ADGRL1: variants seen among roughly 807,000 people sequenced by gnomAD.
The protein encoded by ADGRL1 is adhesion G protein-coupled receptor L1, also known as CIRL-1.
ADGRL1 carries 31 observed loss-of-function variants against 148.9 expected under a neutral mutation model. The observed-to-expected ratio is 0.21, with a 90% confidence interval of 0.16 to 0.28. The LOEUF (loss-of-function observed/expected upper bound fraction) is 0.28, where lower values mean the gene tolerates loss of function less well. ADGRL1 is among the 10% of genes least tolerant of loss of function. ADGRL1 has a pLI of 1.00. For synonymous variants in ADGRL1, 937 were observed against 900.3 expected, an observed-to-expected ratio of 1.04 and a Z score of -0.73; for missense variants, 1,521 against 2,058.8, an observed-to-expected ratio of 0.74 and a Z score of 5.05.
In ADGRL1 at chr19:14,163,222, GGCCAC is replaced by G; in HGVS notation, c.574_578del (p.Val192ArgfsTer39). 1 of 1,613,426 alleles carries G rather than the reference GGCCAC, an allele frequency of 6.2e-7. No individual in the cohort carries two copies. Among genetic ancestry groups the G allele is most frequent in the East Asian group, 2.2e-5 (1 of 44,884 alleles). Reference sequence around the variant, plus strand: ...GGCGGTAGGTGGTGGTGTGGCGGGCGGCCACGTAGTCCTCCCACGAGGCATACTCA... The same window carrying G: ...GGCGGTAGGTGGTGGTGTGGCGGGCGGTAGTCCTCCCACGAGGCATACTCA... On this transcript the variant is annotated frameshift_variant, in exon 5 of 23. Coordinates refer to ENST00000361434, the MANE Select transcript of ADGRL1 (RefSeq NM_014921.5). LOFTEE classifies it high-confidence loss of function.
intron 1 of ADGRL1, among the ~76,000 whole-genome samples, 166 bp from the exon 2 acceptor site, chr19:14,183,863 C>G (rs563360025): frequency 3.3e-5 from 5 of 152,184 alleles, no homozygotes; most frequent in African/African-American, 1.2e-4. Context: ...CCACACCCCC[C>G]ACCCTTACAC....
rs758809786 is a variant in ADGRL1 at position 14,159,790 on chromosome 19, G to A, written c.1801-17C>T. 1.4e-5 allele frequency: 22 copies of A among 1,611,830 alleles called. No homozygotes were observed. The highest frequency in any genetic ancestry group is 1.6e-4 in the Middle Eastern group (1 of 6,084). On this transcript the variant is annotated splice_polypyrimidine_tract_variant and intron_variant, in intron 8 of 22. Coordinates refer to ENST00000361434, the MANE Select transcript of ADGRL1 (RefSeq NM_014921.5). This position sits in a 1 kb window ranked among gnomAD's most constrained non-coding sequence, Gnocchi z 6.0. ...CTTGTGCATCTAGAAAGAGATGGAGGTGATGTCAGGCCAGGCCTCTGGGTG... is the reference window on the plus strand; with the variant it reads ...CTTGTGCATCTAGAAAGAGATGGAGATGATGTCAGGCCAGGCCTCTGGGTG...
chr19:14,160,425 T>C lies in ADGRL1; in HGVS notation c.1615-128A>G. On this transcript the variant is annotated intron_variant, in intron 7 of 22. Coordinates refer to ENST00000361434, the MANE Select transcript of ADGRL1 (RefSeq NM_014921.5). The surrounding 1 kb of genome is among the most constrained non-coding windows in gnomAD (Gnocchi z 5.9). ...CACTTCCCCATCGCCATCTGCCCCTTCCCACCCCATCTGTCCCTGCTCCCT... is the reference window on the plus strand; with the variant it reads ...CACTTCCCCATCGCCATCTGCCCCTCCCCACCCCATCTGTCCCTGCTCCCT... The C allele has an allele frequency of 1.0e-6, 1 of 970,766 alleles. No individual in the cohort carries two copies. 60.1% of individuals were successfully genotyped at this position (970,766 alleles called of 1,614,324 possible). A position where few individuals can be genotyped will look rare whatever the true frequency, so the allele number is the denominator to read the frequency against.
At position 14,152,844 on chromosome 19, in the gene ADGRL1, A is replaced by G; in HGVS notation, c.3363T>C (p.Thr1121=). 1 of 1,614,134 alleles carries G rather than the reference A, an allele frequency of 6.2e-7. No homozygotes were observed. ...YCCIRSPPGG[T]HGSLKTSAMR... ...TGGCTGAGGTCTTGAGGGATCCGTG[A>G]GTGCCCCCGGGTGGGGAGCGGATGC... Residue 1121 remains threonine, a synonymous_variant, in exon 19 of 23, where the codon ACT becomes ACC. Coordinates refer to ENST00000361434, the MANE Select transcript of ADGRL1 (RefSeq NM_014921.5). This position sits in a 1 kb window ranked among gnomAD's most constrained non-coding sequence, Gnocchi z 6.1.
At chr19:14,181,457 G>A (rs1428131562) in intron 2 of ADGRL1, among the ~76,000 whole-genome samples, 1 of 152,174 alleles carries the variant, frequency 6.6e-6, no homozygotes, top group African/African-American at 2.4e-5. Context: ...GGTGGTTCAC[G>A]CCTGTAATCC....
At chr19:14,175,424 C>T (rs1182747555) in intron 3 of ADGRL1, among the ~76,000 whole-genome samples, 1 of 150,838 alleles carries the variant, frequency 6.6e-6, no homozygotes. Context: ...TCACCACTCA[C>T]AGATATGAAA....
At chr19:14,173,720 G>A (rs1970629867) in intron 3 of ADGRL1, among the ~76,000 whole-genome samples, 1 of 152,098 alleles carries the variant, frequency 6.6e-6, no homozygotes, top group Non-Finnish European at 1.5e-5. Flanking sequence ...GCCAAGACTG[G>A]CAGATCAATT....
chr19:14,198,184 C>G (rs1377331592), intron 1 of ADGRL1, among the ~76,000 whole-genome samples: 3 of 151,954 alleles, frequency 2.0e-5, no homozygotes, highest in Admixed American at 1.3e-4. Flanking sequence ...AGGGGGGTCA[C>G]AGAGGCCATA....
intron 1 of ADGRL1, among the ~76,000 whole-genome samples, chr19:14,187,774 GCTTC>G (rs1020750443): frequency 1.3e-5 from 2 of 152,098 alleles, no homozygotes; most frequent in African/African-American, 4.8e-5. Flanking sequence ...ATGGGGAGTG[GCTTC>G]CTTATTTCAA....
rs763242814 is a variant in ADGRL1, at chr19:14,151,021, G to A, written c.4262C>T (p.Ser1421Leu). The change falls in exon 23 of 23, where the codon TCG (serine) becomes TTG (leucine). Residue 1421 changes from serine (S) to leucine (L), a missense_variant. Physicochemically the swap from Ser to Leu is moderately radical, Grantham distance 145. This residue lies in a region of ADGRL1 where 390 missense variants were observed against 375.0 expected (regional missense o/e 1.04). Coordinates refer to ENST00000361434, the MANE Select transcript of ADGRL1 (RefSeq NM_014921.5). ...CCGGGCCACCAGGGCTGGCGGGCGC[G>A]AGGTGTAGTAGATTTCGGGGGGGCC... ...PPGPPEIYYT[S>L]RPPALVARNP... The A allele has an allele frequency of 1.8e-5, 28 of 1,557,610 alleles. 1 individual carries two copies. Among genetic ancestry groups the A allele is most frequent in the South Asian group, 7.1e-5 (6 of 84,674 alleles).
At chr19:14,200,556 C>G (rs1204136091) in intron 1 of ADGRL1, among the ~76,000 whole-genome samples, 1 of 152,210 alleles carries the variant, frequency 6.6e-6, no homozygotes, top group Non-Finnish European at 1.5e-5. Context: ...GCAAAGCTTG[C>G]AGGATTTACC....
At chr19:14,167,142 G>T in intron 4 of ADGRL1, 1 of 951,094 alleles carries the variant, frequency 1.1e-6, no homozygotes, top group Non-Finnish European at 1.6e-6. Context: ...CTGGCAACAC[G>T]CCCCCTTTTC....
chr19:14,191,693 TCTC>T (rs746204559), intron 1 of ADGRL1, among the ~76,000 whole-genome samples: 1 of 146,746 alleles, frequency 6.8e-6, no homozygotes, highest in Non-Finnish European at 1.5e-5. Flanking sequence ...CTGCTGTCTC[TCTC>T]TTTTTTTTTT....
intron 1 of ADGRL1, among the ~76,000 whole-genome samples, chr19:14,205,470 C>G (rs1197988854): frequency 5.9e-5 from 9 of 152,002 alleles, no homozygotes; most frequent in African/African-American, 2.2e-4. Context: ...ACCCCCTCGC[C>G]CAGCATCCTG....
chr19:14,149,649 G>A lies in ADGRL1; in HGVS notation c.*1224C>T, dbSNP rs1427482083. 6.5e-6 allele frequency: 1 copy of A among 152,722 alleles called. No individual in the cohort carries two copies. Among genetic ancestry groups the A allele is most frequent in the Non-Finnish European group, 1.5e-5 (1 of 68,150 alleles). The allele number at this position is 152,722 out of a possible 1,614,324, so 9.5% of individuals were successfully genotyped here. A position where few individuals can be genotyped will look rare whatever the true frequency, so the allele number is the denominator to read the frequency against. ...CAGTGAGAGGTACACGCCCCAGAAG[G>A]GCTGATGATGCCGGGCAGGCGGAGC... On this transcript the variant is annotated 3_prime_UTR_variant, in exon 23 of 23. Coordinates refer to ENST00000361434, the MANE Select transcript of ADGRL1 (RefSeq NM_014921.5).
chr19:14,172,039 A>C (rs868698989), intron 3 of ADGRL1, among the ~76,000 whole-genome samples: 76 of 152,350 alleles, frequency 5.0e-4, no homozygotes, highest in African/African-American at 1.7e-3. Flanking sequence ...AGAAGGGACT[A>C]AGGATCTAGC....
chr19:14,152,252 C>T lies in ADGRL1; in HGVS notation c.3649+57G>A, dbSNP rs763343506. The T allele has an allele frequency of 6.2e-7, 1 of 1,612,840 alleles. No individual in the cohort carries two copies. Among genetic ancestry groups the T allele is most frequent in the South Asian group, 1.1e-5 (1 of 91,044 alleles). On this transcript the variant is annotated intron_variant, in intron 21 of 22. Transcript: ENST00000361434. The surrounding 1 kb of genome is among the most constrained non-coding windows in gnomAD (Gnocchi z 6.1). ...GGCACAGAACATCCCATGCAGAGGT[C>T]CCTTGGGACACAAACCCTCCATTTC...
rs1166987303 is a variant in ADGRL1, at chr19:14,184,634, A to ATTTTT, written c.-95-938_-95-937insAAAAA. ...TATTTATTTATTTATTTATTTATTT[A>ATTTTT]TTTATTTATTTATTTTTTTTTCTGA... is the stretch of plus-strand genomic sequence containing the variant. On this transcript the variant is annotated intron_variant, in intron 1 of 22. Transcript: ENST00000361434. Among the ~76,000 whole-genome samples, 62 of 119,052 alleles carry ATTTTT rather than the reference A, an allele frequency of 5.2e-4. 3 individuals are homozygous for ATTTTT. The highest frequency in any genetic ancestry group is 1.5e-3 in the Admixed American group (18 of 12,054). 78.1% of individuals were successfully genotyped at this position (119,052 alleles called of 152,430 possible).
intron 1 of ADGRL1, among the ~76,000 whole-genome samples, chr19:14,188,148 T>C (rs1971702662): frequency 6.6e-6 from 1 of 152,058 alleles, no homozygotes; most frequent in Admixed American, 6.6e-5. Context: ...GATGCCAAAT[T>C]GTGTGGGCAG....
Sources: allele counts gnomAD v4.1 joint callset (sites outside exome capture counted in the v4.1 genomes callset), GRCh38; gene constraint gnomAD v4.1.1; regional missense constraint gnomAD v4.1.1; non-coding constraint Gnocchi (gnomAD v3.1); transcripts MANE v1.5; gene names NCBI Gene and HGNC (gene_info 2026-07-23, HGNC 2026-07-21).